DGKB: variants seen among roughly 807,000 people sequenced by gnomAD.
DGKB encodes the protein diacylglycerol kinase beta.
DGKB carries 67 observed loss-of-function variants against 114.3 expected under a neutral mutation model. That is an observed-to-expected ratio of 0.59 (90% CI 0.48 to 0.72). The LOEUF (loss-of-function observed/expected upper bound fraction) is 0.72, where lower values mean the gene tolerates loss of function less well. Among genes scored for constraint, DGKB ranks in the 30% least tolerant of loss-of-function variants. The pLI is 0.00. For synonymous variants in DGKB, 398 were observed against 323.1 expected (o/e 1.23, Z -2.49); for missense variants, 907 against 975.2 (o/e 0.93, Z 0.93).
chr7:14,740,230 C>G (rs1832378203), intron 4 of DGKB, among the ~76,000 whole-genome samples: 1 of 129,318 alleles, frequency 7.7e-6, no homozygotes, highest in African/African-American at 2.7e-5. Context: ...CTGCCCTACG[C>G]TTAAGCCTTT....
At chr7:14,386,625 A>G (rs907820482) in intron 21 of DGKB, among the ~76,000 whole-genome samples, 2 of 152,220 alleles carry the variant, frequency 1.3e-5, no homozygotes, top group African/African-American at 4.8e-5. Flanking sequence ...GAAAATTGTC[A>G]GCCCATAAAT....
Position 14,235,859 on chromosome 7 carries a change from A to G in DGKB, c.2123-57708T>C, listed in dbSNP as rs367702278. Among the ~76,000 whole-genome samples, 174 of 152,202 alleles carry G rather than the reference A, an allele frequency of 1.1e-3. 1 individual carries two copies. Among genetic ancestry groups the G allele is most frequent in the African/African-American group, 4.0e-3 (165 of 41,566 alleles). The stretch of plus-strand genomic sequence containing the variant: ...TGAAGCTATAAAACTTAGTGGCAAC[A>G]TATGTGATAGGCATAAATAATGGAC... On this transcript the variant is annotated intron_variant, in intron 23 of 25. Coordinates refer to ENST00000402815, the MANE Select transcript of DGKB (RefSeq NM_001350709.2).
At chr7:14,829,613 T>A (rs1437816183) in intron 2 of DGKB, among the ~76,000 whole-genome samples, 3 of 152,070 alleles carry the variant, frequency 2.0e-5, no homozygotes, top group African/African-American at 7.2e-5. Flanking sequence ...CCAAGATGGA[T>A]TCTTTGAGGG....
chr7:14,507,812 G>C (rs564804000), intron 20 of DGKB, among the ~76,000 whole-genome samples: 9 of 152,218 alleles, frequency 5.9e-5, no homozygotes, highest in Admixed American at 1.3e-4. Flanking sequence ...AGGGGAAAGA[G>C]CCAAAAAAAC....
At chr7:14,556,877 A>G (rs1013429023) in intron 20 of DGKB, among the ~76,000 whole-genome samples, 6 of 152,208 alleles carry the variant, frequency 3.9e-5, no homozygotes, top group Admixed American at 2.0e-4. Context: ...TTTAATCTGC[A>G]TTCTGAAATT....
At chr7:14,830,451 G>C (rs1285802772) in intron 2 of DGKB, among the ~76,000 whole-genome samples, 1 of 151,954 alleles carries the variant, frequency 6.6e-6, no homozygotes, top group Admixed American at 6.6e-5. Flanking sequence ...GAAATATTTA[G>C]CAGAACTTTG....
chr7:14,638,805 G>T (rs774197513), intron 13 of DGKB, among the ~76,000 whole-genome samples: 8 of 152,260 alleles, frequency 5.3e-5, no homozygotes, highest in Non-Finnish European at 1.0e-4. Flanking sequence ...ACTTTGGGAG[G>T]CTGAGGCAAG....
intron 22 of DGKB, among the ~76,000 whole-genome samples, chr7:14,341,412 T>C (rs950210564): frequency 2.4e-4 from 37 of 151,842 alleles, no homozygotes; most frequent in Non-Finnish European, 5.5e-4. Flanking sequence ...TATAAACAAG[T>C]TATAGTACTG....
chr7:14,619,937 T>C (rs1031181769), intron 15 of DGKB, among the ~76,000 whole-genome samples: 2 of 151,690 alleles, frequency 1.3e-5, no homozygotes, highest in African/African-American at 4.8e-5. Flanking sequence ...GAAATACAAT[T>C]AGATTTCAGA....
intron 20 of DGKB, among the ~76,000 whole-genome samples, chr7:14,501,049 A>G (rs1382043781): frequency 1.3e-5 from 2 of 151,884 alleles, no homozygotes; most frequent in Admixed American, 1.3e-4. Flanking sequence ...GTTTGAGGAT[A>G]AAACTATTTC....
intron 6 of DGKB, among the ~76,000 whole-genome samples, chr7:14,703,752 C>T (rs1050151843): frequency 1.3e-5 from 2 of 152,176 alleles, no homozygotes; most frequent in African/African-American, 2.4e-5. Flanking sequence ...CCTGAAAAGG[C>T]AGCCTCTAGA....
intron 21 of DGKB, among the ~76,000 whole-genome samples, chr7:14,449,453 A>G (rs1831168414): frequency 6.6e-6 from 1 of 151,908 alleles, no homozygotes; most frequent in Non-Finnish European, 1.5e-5. Context: ...CCCACTCAAG[A>G]CATCACACAT....
chr7:14,723,478 T>C (rs757249010), intron 5 of DGKB, among the ~76,000 whole-genome samples: 23 of 152,184 alleles, frequency 1.5e-4, no homozygotes, highest in Non-Finnish European at 2.6e-4. Flanking sequence ...CTTAAAGTAG[T>C]ATAATCTGCA....
intron 25 of DGKB, among the ~76,000 whole-genome samples, chr7:14,154,933 C>T (rs1305819174): frequency 1.3e-5 from 2 of 151,360 alleles, no homozygotes; most frequent in African/African-American, 2.4e-5. Flanking sequence ...AGGTGATTCT[C>T]CTGCACTCTA....
intron 25 of DGKB, among the ~76,000 whole-genome samples, chr7:14,168,022 C>T (rs1173712513): frequency 2.0e-5 from 3 of 152,092 alleles, no homozygotes; most frequent in Non-Finnish European, 4.4e-5. Flanking sequence ...TTAACAAAGA[C>T]TTAAGAGGTA....
intron 2 of DGKB, among the ~76,000 whole-genome samples, chr7:14,762,285 T>A (rs1835818415): frequency 1.3e-5 from 2 of 152,084 alleles, no homozygotes. Flanking sequence ...ATACTTTACC[T>A]TTCTATCACC....
chr7:14,235,940 T>C (rs1792698214), intron 23 of DGKB, among the ~76,000 whole-genome samples: 1 of 152,008 alleles, frequency 6.6e-6, no homozygotes, highest in Non-Finnish European at 1.5e-5. Flanking sequence ...ACGCACACAC[T>C]GCAAAAAACA....
At chr7:14,708,622 A>G (rs12216693) in intron 6 of DGKB, among the ~76,000 whole-genome samples, 4,099 of 150,792 alleles carry the variant, frequency 0.027, 99 homozygotes, top group Middle Eastern at 0.1. Context: ...CAGAGATATA[A>G]ATCAATGGAA....
At chr7:14,740,713 A>C (rs566882742) in intron 4 of DGKB, among the ~76,000 whole-genome samples, 2 of 152,224 alleles carry the variant, frequency 1.3e-5, no homozygotes, top group East Asian at 3.9e-4. Context: ...TCCATGGCAT[A>C]AATTAGGTGT....
Sources: allele counts gnomAD v4.1 joint callset (sites outside exome capture counted in the v4.1 genomes callset), GRCh38; gene constraint gnomAD v4.1.1; transcripts MANE v1.5; gene names NCBI Gene and HGNC (gene_info 2026-07-23, HGNC 2026-07-21).